The following CCDC7 variants were observed in gnomAD, a reference collection of about 807,000 sequenced individuals.
The protein encoded by CCDC7 is coiled-coil domain containing 7.
In CCDC7, 183 loss-of-function variants were observed where a neutral mutation model predicts 196.9. The observed-to-expected ratio is 0.93, with a 90% CI of 0.82 to 1.05. The LOEUF is 1.05. CCDC7 is among the 50% of genes least tolerant of loss of function. The probability of loss-of-function intolerance (pLI) is 0.00; values close to 1 mark genes in which losing one functional copy is unlikely to be tolerated. For missense variants in CCDC7, 1,540 were observed against 1,482.2 expected, an observed-to-expected ratio of 1.04 and a Z score of -0.64; for synonymous variants, 525 against 484.6, an observed-to-expected ratio of 1.08 and a Z score of -1.10.
At chr10:32,557,934 C>T (rs995753960) in intron 13 of CCDC7, among the ~76,000 whole-genome samples, 1 of 152,154 alleles carries the variant, frequency 6.6e-6, no homozygotes, top group Non-Finnish European at 1.5e-5. Flanking sequence ...CTCAAGCAAT[C>T]CTCCCACCTT....
At chr10:32,685,186 G>T in intron 21 of CCDC7, among the ~76,000 whole-genome samples, 1 of 138,758 alleles carries the variant, frequency 7.2e-6, no homozygotes, top group African/African-American at 2.7e-5. Flanking sequence ...CCTAACGGTG[G>T]CATACAAGTT....
At chr10:32,791,349 A>G (rs1350269281) in intron 29 of CCDC7, among the ~76,000 whole-genome samples, 1 of 152,104 alleles carries the variant, frequency 6.6e-6, no homozygotes, top group African/African-American at 2.4e-5. Flanking sequence ...AAGGAAAGAC[A>G]CCACCACTAA....
upstream of CCDC7, among the ~76,000 whole-genome samples, chr10:32,448,781 G>C (rs1208752096): frequency 6.6e-6 from 1 of 151,556 alleles, no homozygotes; most frequent in Non-Finnish European, 1.5e-5. Flanking sequence ...AAATATATAG[G>C]CCTTTATTTT....
chr10:32,690,339 T>C (rs1036513529), intron 23 of CCDC7, among the ~76,000 whole-genome samples: 1 of 152,200 alleles, frequency 6.6e-6, no homozygotes, highest in African/African-American at 2.4e-5. Context: ...TTAGAGCAGT[T>C]TGGTAGCCTT....
At chr10:32,535,406 T>C (rs578001603) in intron 11 of CCDC7, among the ~76,000 whole-genome samples, 5 of 152,286 alleles carry the variant, frequency 3.3e-5, no homozygotes, top group African/African-American at 1.2e-4. Flanking sequence ...TTTGGTTTTA[T>C]ACATTTTAGG....
At chr10:32,501,764 AG>A (rs2134971545) in intron 9 of CCDC7, among the ~76,000 whole-genome samples, 1 of 152,308 alleles carries the variant, frequency 6.6e-6, no homozygotes, top group South Asian at 2.1e-4. Flanking sequence ...CTCCTGTATG[AG>A]GTGTCTATCG....
At chr10:32,570,752 T>G (rs1169138875) in intron 15 of CCDC7, among the ~76,000 whole-genome samples, 2 of 152,312 alleles carry the variant, frequency 1.3e-5, no homozygotes, top group African/African-American at 4.8e-5. Flanking sequence ...TACATTTAAC[T>G]ACAGGGGGAA....
chr10:32,870,162 T>C (rs959663821), intron 41 of CCDC7, among the ~76,000 whole-genome samples: 56 of 152,182 alleles, frequency 3.7e-4, no homozygotes, highest in Non-Finnish European at 7.4e-4. Flanking sequence ...GGGGATGGCA[T>C]TGAATCTGTA....
chr10:32,752,866 A>G (rs2075870404), intron 28 of CCDC7, among the ~76,000 whole-genome samples: 1 of 151,988 alleles, frequency 6.6e-6, no homozygotes, highest in African/African-American at 2.4e-5. Context: ...ATTTGTTATT[A>G]TGTAATTTTT....
chr10:32,486,301 C>G (rs1339383726), intron 8 of CCDC7, among the ~76,000 whole-genome samples: 3 of 151,632 alleles, frequency 2.0e-5, no homozygotes, highest in Admixed American at 6.6e-5. Context: ...TCTGTTTTAT[C>G]AGAGACTAGG....
intron 10 of CCDC7, 58 bp from the exon 12 acceptor site, chr10:32,518,358 T>C: frequency 6.7e-7 from 1 of 1,484,574 alleles, no homozygotes. Context: ...AATATCTGAA[T>C]AACCTTTCTA....
intron 20 of CCDC7, among the ~76,000 whole-genome samples, chr10:32,655,563 G>A (rs1048764907): frequency 6.6e-6 from 1 of 152,018 alleles, no homozygotes; most frequent in Non-Finnish European, 1.5e-5. Context: ...GTCTTGCTCT[G>A]TTGCCTGGGC....
At chr10:32,453,484 C>T (rs559955182) in intron 2 of CCDC7, 48 bp downstream of exon 3, 14 of 1,243,478 alleles carry the variant, frequency 1.1e-5, no homozygotes, top group South Asian at 4.6e-5. Flanking sequence ...TGAAAAGGGT[C>T]GATTTTCTTT....
intron 16 of CCDC7, among the ~76,000 whole-genome samples, chr10:32,577,350 A>AAAAAT (rs916653071): frequency 5.3e-5 from 8 of 152,258 alleles, no homozygotes; most frequent in East Asian, 3.9e-4. Flanking sequence ...ACTCCATCTC[A>AAAAAT]AAAATAAAAT....
intron 24 of CCDC7, among the ~76,000 whole-genome samples, chr10:32,696,128 G>C (rs184726970): frequency 6.6e-6 from 1 of 152,038 alleles, no homozygotes. Context: ...ATTCGCCTCA[G>C]GGACTGGGGG....
Position 32,466,667 on chromosome 10 carries a change from C to T in CCDC7, c.510+3618C>T, listed in dbSNP as rs537676856. Among the ~76,000 whole-genome samples the T allele has an allele frequency of 2.2e-4, 34 of 152,304 alleles. No individual in the cohort carries two copies. In the South Asian group the frequency reaches 4.3e-3, roughly 19 times the overall value. ...ATGTACCACGTTTTCTTTATCCAGT[C>T]AACCACTGATGGACATTTAGGCCAA... On this transcript the variant is annotated intron_variant, in intron 5 of 41. Coordinates refer to ENST00000639629, the Ensembl canonical transcript of CCDC7.
chr10:32,753,620 G>C (rs1021797063), intron 28 of CCDC7, among the ~76,000 whole-genome samples: 16 of 152,184 alleles, frequency 1.1e-4, no homozygotes, highest in Non-Finnish European at 2.4e-4. Flanking sequence ...AGAAGAATCT[G>C]ACTATATTTG....
At chr10:32,848,004 GTT>G (rs1325137435) in intron 38 of CCDC7, 88 bp downstream of exon 39, 1 of 712,090 alleles carries the variant, frequency 1.4e-6, no homozygotes, top group African/African-American at 1.8e-5. Context: ...GTACCTATAT[GTT>G]AATATTTCAT....
intron 22 of CCDC7, 101 bp downstream of exon 23, chr10:32,686,181 C>T: frequency 1.7e-6 from 1 of 589,940 alleles, no homozygotes; most frequent in East Asian, 3.1e-5. Flanking sequence ...GAAATTTTAC[C>T]TTGAACCTAA....
Sources: allele counts gnomAD v4.1 joint callset (sites outside exome capture counted in the v4.1 genomes callset), GRCh38; gene constraint gnomAD v4.1.1; transcripts MANE v1.5; gene names NCBI Gene and HGNC (gene_info 2026-07-23, HGNC 2026-07-21).